CPQ: variants seen among roughly 807,000 people sequenced by gnomAD.
The protein encoded by CPQ is carboxypeptidase Q.
CPQ carries 37 observed loss-of-function variants against 45.7 expected under a neutral mutation model. The observed-to-expected ratio is 0.81, with a 90% confidence interval of 0.62 to 1.07. The LOEUF is 1.07. CPQ is among the 50% of genes least tolerant of loss of function. The probability of loss-of-function intolerance (pLI) is 0.00; values close to 1 mark genes in which losing one functional copy is unlikely to be tolerated. For missense variants in CPQ, 537 were observed against 572.9 expected, an observed-to-expected ratio of 0.94 and a Z score of 0.64; for synonymous variants, 186 against 205.8, an observed-to-expected ratio of 0.90 and a Z score of 0.82.
chr8:96,668,339 C>T (rs984033229), intron 1 of CPQ, among the ~76,000 whole-genome samples: 1 of 152,194 alleles, frequency 6.6e-6, no homozygotes, highest in Non-Finnish European at 1.5e-5. Context: ...AAACATGAAT[C>T]TTACATGGTT....
intron 2 of CPQ, among the ~76,000 whole-genome samples, chr8:96,825,274 T>C (rs1811364806): frequency 6.6e-6 from 1 of 152,034 alleles, no homozygotes; most frequent in Non-Finnish European, 1.5e-5. Context: ...CTGGAAAAGA[T>C]ACTTTCTCTT....
intron 3 of CPQ, among the ~76,000 whole-genome samples, chr8:96,852,982 C>T (rs1051657350): frequency 7.2e-5 from 11 of 152,210 alleles, no homozygotes; most frequent in Non-Finnish European, 2.9e-5. Flanking sequence ...ACTACTGATG[C>T]TTCCCAGACC....
chr8:96,962,306 T>C (rs2130356251), intron 4 of CPQ, among the ~76,000 whole-genome samples: 1 of 152,322 alleles, frequency 6.6e-6, no homozygotes, highest in Non-Finnish European at 1.5e-5. Flanking sequence ...CTTTTTACTC[T>C]ATACTGCATT....
chr8:97,001,721 CTTTTT>C (rs61282246), intron 5 of CPQ, among the ~76,000 whole-genome samples: 8 of 92,066 alleles, frequency 8.7e-5, no homozygotes, highest in African/African-American at 3.0e-4. Context: ...TTCTTTCTTT[CTTTTT>C]TTTTTTTTTT....
At position 96,645,326 on chromosome 8, in the gene CPQ, G is replaced by A. The variant is rs138138871; in HGVS notation, c.-111G>A. 951 of 152,480 alleles carry A rather than the reference G, an allele frequency of 6.2e-3. 5 individuals are homozygous for A. The highest frequency in any genetic ancestry group is 0.011 in the Non-Finnish European group (750 of 68,160). 9.4% of individuals were successfully genotyped at this position (152,480 alleles called of 1,614,324 possible). On this transcript the variant is annotated 5_prime_UTR_variant, in exon 1 of 8. Transcript: ENST00000220763. ...CCCCAGCCCAGTCAGGGGTGTGGCC[G>A]CCGCCACCGTAAGGCTAGGCCGCGA...
At chr8:96,727,043 T>C (rs1319717405) in intron 1 of CPQ, among the ~76,000 whole-genome samples, 1 of 152,194 alleles carries the variant, frequency 6.6e-6, no homozygotes, top group Admixed American at 6.5e-5. Flanking sequence ...ATTGGGTTAT[T>C]TCTAGGTTAT....
chr8:96,779,063 CAAAAA>C (rs561557208), intron 1 of CPQ, among the ~76,000 whole-genome samples: 1 of 57,022 alleles, frequency 1.8e-5, no homozygotes. Flanking sequence ...ACTCCATCTC[CAAAAA>C]AAAAAAAAAA....
intron 2 of CPQ, among the ~76,000 whole-genome samples, chr8:96,821,949 T>G (rs557368399): frequency 7.2e-5 from 11 of 152,144 alleles, no homozygotes; most frequent in Admixed American, 5.9e-4. Flanking sequence ...TTAGCAATTT[T>G]CAAGTATACA....
intron 2 of CPQ, among the ~76,000 whole-genome samples, 182 bp downstream of exon 2, chr8:96,785,512 C>T (rs1810756678): frequency 6.6e-6 from 1 of 152,088 alleles, no homozygotes; most frequent in Non-Finnish European, 1.5e-5. Flanking sequence ...TGAAAGGGAA[C>T]TGATCATGTT....
chr8:96,650,790 G>A (rs1815568281), intron 1 of CPQ, among the ~76,000 whole-genome samples: 1 of 152,220 alleles, frequency 6.6e-6, no homozygotes, highest in South Asian at 2.1e-4. Flanking sequence ...ATACAATAGG[G>A]ATGTTCATGA....
intron 4 of CPQ, among the ~76,000 whole-genome samples, chr8:96,918,461 T>C (rs1812760674): frequency 6.6e-6 from 1 of 152,102 alleles, no homozygotes; most frequent in African/African-American, 2.4e-5. Flanking sequence ...TTTGTACCCA[T>C]TTCTCACCCT....
chr8:96,664,082 G>A (rs1450966298), intron 1 of CPQ, among the ~76,000 whole-genome samples: 1 of 152,184 alleles, frequency 6.6e-6, no homozygotes, highest in African/African-American at 2.4e-5. Flanking sequence ...GTAAAATGCA[G>A]CAACACTTGC....
intron 7 of CPQ, among the ~76,000 whole-genome samples, chr8:97,099,738 T>G (rs940262677): frequency 6.6e-6 from 1 of 152,204 alleles, no homozygotes; most frequent in East Asian, 1.9e-4. Context: ...TTTCTGGTCA[T>G]GTCTCTGCGA....
At chr8:96,920,089 A>G (rs534499804) in intron 4 of CPQ, among the ~76,000 whole-genome samples, 86 of 152,314 alleles carry the variant, frequency 5.6e-4, no homozygotes, top group African/African-American at 1.9e-3. Flanking sequence ...TAAGCTTTCA[A>G]TAAGTGTTAC....
intron 4 of CPQ, among the ~76,000 whole-genome samples, chr8:96,895,980 A>G (rs1226934198): frequency 2.0e-5 from 3 of 151,954 alleles, no homozygotes; most frequent in African/African-American, 7.3e-5. Flanking sequence ...CTTTTCCCTC[A>G]ATGTTTATAT....
At chr8:96,996,501 G>A (rs928634226) in intron 5 of CPQ, among the ~76,000 whole-genome samples, 1 of 151,956 alleles carries the variant, frequency 6.6e-6, no homozygotes, top group Non-Finnish European at 1.5e-5. Context: ...ATTTTCACAG[G>A]TTGTTACCTG....
intron 7 of CPQ, among the ~76,000 whole-genome samples, chr8:97,098,380 C>T (rs1811244161): frequency 6.6e-6 from 1 of 152,148 alleles, no homozygotes; most frequent in Non-Finnish European, 1.5e-5. Context: ...AAAGGGCTTT[C>T]TCCAGTGCTT....
At chr8:97,015,903 C>T (rs1351117567) in intron 5 of CPQ, among the ~76,000 whole-genome samples, 6 of 152,146 alleles carry the variant, frequency 3.9e-5, no homozygotes, top group Admixed American at 3.9e-4. Flanking sequence ...TGTTTACATA[C>T]ATTTATAATT....
chr8:96,824,860 T>A (rs1464972788), intron 2 of CPQ, among the ~76,000 whole-genome samples: 1 of 152,098 alleles, frequency 6.6e-6, no homozygotes, highest in Non-Finnish European at 1.5e-5. Flanking sequence ...CTCTTTGCCC[T>A]GCTAAAGTGG....
Sources: allele counts gnomAD v4.1 joint callset (sites outside exome capture counted in the v4.1 genomes callset), GRCh38; gene constraint gnomAD v4.1.1; transcripts MANE v1.5; gene names NCBI Gene and HGNC (gene_info 2026-07-23, HGNC 2026-07-21).